Variants in ATP10B observed in about 807,000 individuals in gnomAD.
ATP10B encodes phospholipid-transporting ATPase VB.
ATP10B carries 122 observed loss-of-function variants against 141.2 expected under a neutral mutation model. That is an observed-to-expected ratio of 0.86 (90% CI 0.75 to 1.00). The LOEUF (loss-of-function observed/expected upper bound fraction) is 1.00. Among genes scored for constraint, ATP10B ranks in the 50% least tolerant of loss-of-function variants. The pLI, the probability that ATP10B is intolerant of heterozygous loss-of-function variation, is 0.00. For synonymous variants in ATP10B, 685 were observed against 692.0 expected, an observed-to-expected ratio of 0.99 and a Z score of 0.16; for missense variants, 1,876 against 1,825.3, an observed-to-expected ratio of 1.03 and a Z score of -0.51.
intron 21 of ATP10B, among the ~76,000 whole-genome samples, chr5:160,599,294 G>C (rs75828755): frequency 6.6e-6 from 1 of 152,092 alleles, no homozygotes; most frequent in Admixed American, 6.5e-5. Context: ...GGCAAGCCCC[G>C]GAATAACATT....
At chr5:160,640,636 C>T in intron 9 of ATP10B, 44 bp from the exon 10 acceptor site, 1 of 1,609,792 alleles carries the variant, frequency 6.2e-7, no homozygotes, top group Middle Eastern at 1.7e-4. Flanking sequence ...TTCCTGTTTG[C>T]CTATGTCTTA....
chr5:160,593,159 G>T (rs1756439220), intron 22 of ATP10B, among the ~76,000 whole-genome samples: 1 of 152,208 alleles, frequency 6.6e-6, no homozygotes, highest in Admixed American at 6.5e-5. Flanking sequence ...TAACTGGGAG[G>T]CACCCCCTCA....
intron 10 of ATP10B, among the ~76,000 whole-genome samples, chr5:160,637,973 A>G (rs1199079443): frequency 6.6e-6 from 1 of 152,222 alleles, no homozygotes; most frequent in African/African-American, 2.4e-5. Context: ...AGTATGGGAA[A>G]AGCCCGAGAA....
the ATP10B span, among the ~76,000 whole-genome samples, chr5:160,881,328 C>G: frequency 6.6e-6 from 1 of 152,138 alleles, no homozygotes; most frequent in Non-Finnish European, 1.5e-5. Context: ...AGAAACTCTC[C>G]TTCACTACTG....
chr5:160,842,182 A>G (rs187030875), intron 1 of ATP10B, among the ~76,000 whole-genome samples: 3 of 152,346 alleles, frequency 2.0e-5, no homozygotes, highest in African/African-American at 7.2e-5. Context: ...GATAACTAAA[A>G]AACATTTTCC....
At chr5:160,822,581 T>C (rs1251591613) in intron 1 of ATP10B, among the ~76,000 whole-genome samples, 1 of 152,144 alleles carries the variant, frequency 6.6e-6, no homozygotes, top group African/African-American at 2.4e-5. Flanking sequence ...TGCAGCAGTA[T>C]TTACAATAGG....
the ATP10B span, among the ~76,000 whole-genome samples, chr5:160,904,480 T>C: frequency 7.7e-6 from 1 of 130,290 alleles, no homozygotes; most frequent in African/African-American, 3.0e-5. Flanking sequence ...TATAGCTATA[T>C]ATTTGCCTGT....
intron 1 of ATP10B, among the ~76,000 whole-genome samples, chr5:160,831,245 G>T (rs1454777312): frequency 6.6e-6 from 1 of 151,908 alleles, no homozygotes; most frequent in African/African-American, 2.4e-5. Flanking sequence ...CACAGTGGCT[G>T]GCATATAGTA....
At chr5:160,572,987 T>C (rs1190171291) in intron 24 of ATP10B, among the ~76,000 whole-genome samples, 1 of 152,252 alleles carries the variant, frequency 6.6e-6, no homozygotes, top group East Asian at 1.9e-4. Context: ...CATACACGTG[T>C]ACATGTTTAC....
the ATP10B span, among the ~76,000 whole-genome samples, chr5:160,890,724 T>C: frequency 6.6e-6 from 1 of 152,220 alleles, no homozygotes; most frequent in African/African-American, 2.4e-5. Context: ...TTTTCTCTTT[T>C]ATCTTTTAGA....
At chr5:160,798,507 C>T (rs2127925217) in intron 1 of ATP10B, among the ~76,000 whole-genome samples, 1 of 152,194 alleles carries the variant, frequency 6.6e-6, no homozygotes, top group Middle Eastern at 3.4e-3. Context: ...TACAAGTCTA[C>T]AATCTAAGGA....
intron 2 of ATP10B, among the ~76,000 whole-genome samples, chr5:160,744,695 C>A (rs931091280): frequency 6.6e-6 from 1 of 152,114 alleles, no homozygotes. Context: ...TTTGAAAGAC[C>A]CTATGAAGCA....
chr5:160,892,152 C>A, the ATP10B span, among the ~76,000 whole-genome samples: 1 of 152,112 alleles, frequency 6.6e-6, no homozygotes, highest in African/African-American at 2.4e-5. Flanking sequence ...GGTGATTAAA[C>A]CTTCCTATGG....
intron 24 of ATP10B, among the ~76,000 whole-genome samples, chr5:160,586,591 C>T (rs1389266704): frequency 6.6e-6 from 1 of 152,206 alleles, no homozygotes; most frequent in African/African-American, 2.4e-5. Flanking sequence ...TACATTCCCA[C>T]CAACAGTGTA....
At position 160,569,522 on chromosome 5, in the gene ATP10B, G is replaced by A. The variant is rs1447053078; in HGVS notation, c.3912C>T (p.Leu1304=). The A allele has an allele frequency of 5.0e-6, 8 of 1,613,788 alleles. No individual in the cohort carries two copies. The highest frequency in any genetic ancestry group is 6.8e-6 in the Non-Finnish European group (8 of 1,179,872). Residue 1304 remains leucine, a synonymous_variant, in exon 25 of 26, where the codon CTC becomes CTT. Transcript: ENST00000327245. ...SNPTFYLVCF[L]TPVVALLPRY... ...TTGGGAGAAGAGCAACAACTGGTGT[G>A]AGAAAGCAGACGAGGTAGAAAGTGG...
At chr5:160,581,467 G>A (rs1436200842) in intron 24 of ATP10B, among the ~76,000 whole-genome samples, 3 of 152,202 alleles carry the variant, frequency 2.0e-5, no homozygotes, top group African/African-American at 7.2e-5. Flanking sequence ...TTTCAAGTGA[G>A]TTTCTTAATG....
At position 160,602,580 on chromosome 5, in the gene ATP10B, GT is replaced by G. The variant is rs1208776219; in HGVS notation, c.3359del (p.Asn1120ThrfsTer22). 59 of 1,613,646 alleles carry G rather than the reference GT, an allele frequency of 3.7e-5. No individual in the cohort carries two copies. Among genetic ancestry groups the G allele is most frequent in the Non-Finnish European group, 4.9e-5 (58 of 1,179,790 alleles). On this transcript the variant is annotated frameshift_variant, in exon 21 of 26. Transcript: ENST00000327245. LOFTEE classifies it high-confidence loss of function. ...GAGGACGCCATAGGCTACTTACCAC[GT>G]TCTTGTAGAGGTAGTACACCACCAT... The part of the protein sequence containing the change: ...ARMVVYYLYK[N>X]VCYVNLLFWY...
chr5:160,646,791 A>C (rs911993964), intron 8 of ATP10B, among the ~76,000 whole-genome samples: 1 of 152,146 alleles, frequency 6.6e-6, no homozygotes, highest in African/African-American at 2.4e-5. Context: ...GTAGAAAAGG[A>C]TTTGCTATCT....
At chr5:160,644,280 G>A (rs1235517847) in intron 8 of ATP10B, 36 bp from the exon 9 acceptor site, 5 of 1,523,952 alleles carry the variant, frequency 3.3e-6, no homozygotes, top group Non-Finnish European at 4.6e-6. Flanking sequence ...GGGTGGTTTG[G>A]TGGCCTTTCC....
Sources: gnomAD v4.1 joint callset for allele counts (sites outside exome capture counted in the v4.1 genomes callset) on GRCh38, gnomAD v4.1.1 for gene constraint, MANE v1.5 for transcripts, NCBI Gene and HGNC (gene_info 2026-07-23, HGNC 2026-07-21) for gene names.